The following POU2F3 variants were observed in gnomAD, a reference collection of about 807,000 sequenced individuals.
The protein encoded by POU2F3 is POU domain, class 2, transcription factor 3.
Under a neutral mutation model 59.2 loss-of-function variants are expected in POU2F3, and 23 were observed. That is an observed-to-expected ratio of 0.39 (90% confidence interval 0.28 to 0.55). The LOEUF (loss-of-function observed/expected upper bound fraction) is 0.55, where lower values mean the gene tolerates loss of function less well. Among genes scored for constraint, POU2F3 ranks in the 20% least tolerant of loss-of-function variants. The pLI, the probability that POU2F3 is intolerant of heterozygous loss-of-function variation, is 0.66. For missense variants in POU2F3, 473 were observed against 544.5 expected, an observed-to-expected ratio of 0.87 and a Z score of 1.31; for synonymous variants, 190 against 214.6, an observed-to-expected ratio of 0.89 and a Z score of 1.00.
chr11:120,261,789 A>G (rs887565283), intron 2 of POU2F3, among the ~76,000 whole-genome samples: 17 of 152,198 alleles, frequency 1.1e-4, no homozygotes, highest in African/African-American at 4.1e-4. Context: ...ATTGAATCCT[A>G]AGACTTCAGC....
intron 2 of POU2F3, chr11:120,259,461 C>G (rs1939500755): frequency 6.6e-6 from 1 of 152,222 alleles, no homozygotes. Flanking sequence ...GGCTTGCACA[C>G]ACGCGGTGTC....
chr11:120,318,550 C>G lies in POU2F3; in HGVS notation c.*158C>G. On this transcript the variant is annotated 3_prime_UTR_variant, in exon 13 of 13. Coordinates refer to ENST00000543440, the MANE Select transcript of POU2F3 (RefSeq NM_014352.4). ...TTGTCTTCTTCAAGAGCAAGGGCCT[C>G]CGGAGATCCAAACTGTGATTGAACC... is the stretch of plus-strand genomic sequence containing the variant. The G allele has an allele frequency of 1.4e-6, 1 of 705,474 alleles. No individual in the cohort carries two copies. The highest frequency in any genetic ancestry group is 2.7e-5 in the Admixed American group (1 of 36,670). The allele number at this position is 705,474 out of a possible 1,614,324, so 43.7% of individuals were successfully genotyped here.
intron 5 of POU2F3, among the ~76,000 whole-genome samples, chr11:120,300,652 T>C (rs11606928): frequency 0.09 from 13,694 of 152,032 alleles, 2,007 homozygotes; most frequent in African/African-American, 0.31. Flanking sequence ...TAATCCCAGC[T>C]ACTCAGGAGG....
intron 3 of POU2F3, among the ~76,000 whole-genome samples, chr11:120,284,840 C>T (rs78952625): frequency 0.052 from 7,880 of 152,210 alleles, 287 homozygotes; most frequent in Middle Eastern, 0.082. Flanking sequence ...TCCTTGAGGC[C>T]GTCTGTCCCC....
chr11:120,295,834 A>G (rs1233112678), intron 3 of POU2F3, among the ~76,000 whole-genome samples: 1 of 152,228 alleles, frequency 6.6e-6, no homozygotes, highest in South Asian at 2.1e-4. Context: ...GCTATTTCCC[A>G]TCTCTCCCGC....
Position 120,288,553 on chromosome 11 carries a change from G to A in POU2F3, c.133-9712G>A, listed in dbSNP as rs61898315. ...ATGTGCCTTGGACAAATCTCTCACC[G>A]TTTATGACCCTGTTTTCCACAAGCA... On this transcript the variant is annotated intron_variant, in intron 3 of 12. Coordinates refer to ENST00000543440, the MANE Select transcript of POU2F3 (RefSeq NM_014352.4). Among the ~76,000 whole-genome samples, 1,436 of 152,216 alleles carry A rather than the reference G, an allele frequency of 9.4e-3. 16 individuals carry two copies. Among genetic ancestry groups the A allele is most frequent in the Non-Finnish European group, 0.016 (1,098 of 68,010 alleles).
At position 120,284,042 on chromosome 11, in the gene POU2F3, G is replaced by A. The variant is rs116262881; in HGVS notation, c.133-14223G>A. On this transcript the variant is annotated intron_variant, in intron 3 of 12. Transcript: ENST00000543440. Reference sequence around the variant, plus strand: ...AAAATACAAAAAATTAGTGGGGCACGGTGGTGCGCACCTGTAATCCCAGCT... The same window carrying A: ...AAAATACAAAAAATTAGTGGGGCACAGTGGTGCGCACCTGTAATCCCAGCT... Among the ~76,000 whole-genome samples the A allele has an allele frequency of 7.2e-3, 1,094 of 152,108 alleles. 11 individuals are homozygous for A. The highest frequency in any genetic ancestry group is 0.025 in the African/African-American group (1,026 of 41,496).
intron 3 of POU2F3, among the ~76,000 whole-genome samples, chr11:120,271,390 T>G (rs1940064381): frequency 6.6e-6 from 1 of 152,340 alleles, no homozygotes; most frequent in African/African-American, 2.4e-5. Flanking sequence ...ATGGAGGAGA[T>G]GCCCAAGGAT....
Position 120,317,338 on chromosome 11 carries a change from C to G in POU2F3, c.1245C>G (p.Asn415Lys). 6.2e-7 allele frequency: 1 copy of G among 1,614,204 alleles called. No individual in the cohort carries two copies. The highest frequency in any genetic ancestry group is 8.5e-7 in the Non-Finnish European group (1 of 1,180,020). Residue 415 changes from asparagine (N) to lysine (K), a missense_variant, in exon 12 of 13, where the codon AAC becomes AAG. Coordinates refer to ENST00000543440, the MANE Select transcript of POU2F3 (RefSeq NM_014352.4). ...AAAATAACTCCAAAGCAGCAGTGAA[C>G]TCCGCCTCCAGTTTTAACTCTTCAG... ...ASQNNSKAAV[N>K]SASSFNSSGS...
upstream of POU2F3, among the ~76,000 whole-genome samples, chr11:120,239,777 C>A (rs1007761241): frequency 6.6e-6 from 1 of 152,194 alleles, no homozygotes; most frequent in South Asian, 2.1e-4. Context: ...TGAATTCTTT[C>A]CAGCAGACCC....
rs1386620224 is a variant in POU2F3, at chr11:120,240,183, C to T, written c.-161C>T. On this transcript the variant is annotated 5_prime_UTR_variant, in exon 1 of 13. Transcript: ENST00000543440. ...GCGCCGAGTGTTGCCCGGGCCGGAG[C>T]AGCGGAGCGCGCGACAGTGGCGGCG... 6.5e-6 allele frequency: 8 copies of T among 1,227,432 alleles called. No homozygotes were observed. The highest frequency in any genetic ancestry group is 4.3e-5 in the Admixed American group (1 of 23,016). The allele number at this position is 1,227,432 out of a possible 1,614,324, so 76.0% of individuals were successfully genotyped here.
intron 1 of POU2F3, among the ~76,000 whole-genome samples, chr11:120,245,655 T>C (rs1475126340): frequency 6.6e-6 from 1 of 152,144 alleles, no homozygotes; most frequent in Non-Finnish European, 1.5e-5. Context: ...ACATAGGTGG[T>C]GGCAGCTGTC....
intron 3 of POU2F3, among the ~76,000 whole-genome samples, chr11:120,279,019 G>C (rs1940451859): frequency 6.6e-6 from 1 of 152,170 alleles, no homozygotes. Context: ...GCCGGGCATT[G>C]AGTATAAAAG....
chr11:120,275,706 C>G (rs1940289716), intron 3 of POU2F3, among the ~76,000 whole-genome samples: 1 of 152,134 alleles, frequency 6.6e-6, no homozygotes. Context: ...GCCCCAAAAG[C>G]TGAGAATCAG....
chr11:120,308,126 T>A (rs989150909), intron 9 of POU2F3, among the ~76,000 whole-genome samples: 4 of 152,232 alleles, frequency 2.6e-5, no homozygotes, highest in Non-Finnish European at 5.9e-5. Context: ...TTCTTTTCTA[T>A]GCACATTTAG....
intron 2 of POU2F3, among the ~76,000 whole-genome samples, chr11:120,262,231 A>C (rs1268785728): frequency 1.3e-5 from 2 of 152,260 alleles, no homozygotes; most frequent in Non-Finnish European, 2.9e-5. Flanking sequence ...AAGAAACTTC[A>C]ATGAACAGCC....
intron 7 of POU2F3, 47 bp from the exon 8 acceptor site, chr11:120,305,597 G>A (rs1941463812): frequency 6.2e-7 from 1 of 1,603,772 alleles, no homozygotes; most frequent in Non-Finnish European, 8.5e-7. Context: ...GCAAACAAGA[G>A]GAGGAGGCTG....
chr11:120,314,110 C>T (rs1941723685), intron 10 of POU2F3, among the ~76,000 whole-genome samples: 1 of 152,202 alleles, frequency 6.6e-6, no homozygotes, highest in African/African-American at 2.4e-5. Context: ...TCTCTTACCA[C>T]TCTGCCACCC....
chr11:120,247,951 G>A (rs1417329988), intron 2 of POU2F3, among the ~76,000 whole-genome samples: 1 of 152,200 alleles, frequency 6.6e-6, no homozygotes, highest in Non-Finnish European at 1.5e-5. Context: ...AGCTTGCACT[G>A]GTGTTCTGTT....
Sources: gnomAD v4.1 joint callset for allele counts (sites outside exome capture counted in the v4.1 genomes callset) on GRCh38, gnomAD v4.1.1 for gene constraint, MANE v1.5 for transcripts, NCBI Gene and HGNC (gene_info 2026-07-23, HGNC 2026-07-21) for gene names.